Variants in ACTL8 observed in about 807,000 individuals in gnomAD.
ACTL8 encodes the protein actin like 8, also known as actin-like protein 8.
In ACTL8, 3 loss-of-function variants were observed where a neutral mutation model predicts 9.3. That is an observed-to-expected ratio of 0.32 (90% CI 0.15 to 0.83). The LOEUF is 0.83. ACTL8 is among the 40% of genes least tolerant of loss of function. The pLI, the probability that ACTL8 is intolerant of heterozygous loss-of-function variation, is 0.57. For synonymous variants in ACTL8, 224 were observed against 205.9 expected, an observed-to-expected ratio of 1.09 and a Z score of -0.75; for missense variants, 381 against 492.2, an observed-to-expected ratio of 0.77 and a Z score of 2.14.
At chr1:17,791,995 GCCC>G (rs72052257) in intron 1 of ACTL8, among the ~76,000 whole-genome samples, 5,999 of 152,158 alleles carry the variant, frequency 0.039, 402 homozygotes, top group African/African-American at 0.14. Flanking sequence ...TTGGGATCCT[GCCC>G]CCCCTCATCA....
rs1244341924 is a variant in ACTL8, at chr1:17,826,024, G to A, written c.606G>A (p.Glu202=). 3 of 1,606,608 alleles carry A rather than the reference G, an allele frequency of 1.9e-6. No homozygotes were observed. Among genetic ancestry groups the A allele is most frequent in the Non-Finnish European group, 2.5e-6 (3 of 1,179,996 alleles). The change falls in exon 3 of 3, where the codon GAG becomes GAA. Residue 202 remains glutamate (E), a synonymous_variant. Transcript: ENST00000375406. This position sits in a 1 kb window ranked among gnomAD's most constrained non-coding sequence, Gnocchi z 4.5. ...DCDRRCLFQL[E]TVAVTQMNKC... The stretch of plus-strand genomic sequence containing the variant: ...ATAGACGCTGCCTGTTTCAGCTGGA[G>A]ACAGTCGCCGTGACTCAGATGAACA...
intron 1 of ACTL8, among the ~76,000 whole-genome samples, chr1:17,780,694 T>G (rs999248125): frequency 1.7e-5 from 2 of 116,988 alleles, no homozygotes; most frequent in African/African-American, 6.1e-5. Flanking sequence ...TGGTTGACAG[T>G]GCAGTCCTGA....
At chr1:17,814,544 AC>A (rs2066412807) in intron 1 of ACTL8, among the ~76,000 whole-genome samples, 1 of 152,156 alleles carries the variant, frequency 6.6e-6, no homozygotes, top group Non-Finnish European at 1.5e-5. Flanking sequence ...TACCAACAAA[AC>A]AAGACAATAC....
intron 1 of ACTL8, among the ~76,000 whole-genome samples, chr1:17,807,352 G>A (rs2066366022): frequency 6.6e-6 from 1 of 152,192 alleles, no homozygotes; most frequent in African/African-American, 2.4e-5. Context: ...AGACCCTGGA[G>A]CCTGATACCC....
intron 1 of ACTL8, among the ~76,000 whole-genome samples, chr1:17,758,928 C>G (rs1215203081): frequency 3.3e-5 from 5 of 152,166 alleles, no homozygotes; most frequent in Admixed American, 6.5e-5. Flanking sequence ...CTTTAGGTGA[C>G]AGAATGTTCC....
At chr1:17,815,006 G>A (rs1305846523) in intron 1 of ACTL8, among the ~76,000 whole-genome samples, 1 of 151,618 alleles carries the variant, frequency 6.6e-6, no homozygotes, top group African/African-American at 2.4e-5. Flanking sequence ...ATAACATGCT[G>A]TACCCGTTTA....
intron 1 of ACTL8, among the ~76,000 whole-genome samples, chr1:17,770,842 G>A (rs1289510829): frequency 6.6e-6 from 1 of 152,188 alleles, no homozygotes; most frequent in African/African-American, 2.4e-5. Context: ...GCAGTTGTCA[G>A]TCCTGGGCTC....
chr1:17,777,542 TGATA>T (rs1054141829), intron 1 of ACTL8, among the ~76,000 whole-genome samples: 4 of 152,296 alleles, frequency 2.6e-5, no homozygotes, highest in Middle Eastern at 3.4e-3. Context: ...GTGCCAACTC[TGATA>T]GATTGGCCGT....
chr1:17,774,961 C>G (rs568675007), intron 1 of ACTL8, among the ~76,000 whole-genome samples: 14 of 152,278 alleles, frequency 9.2e-5, no homozygotes, highest in African/African-American at 3.4e-4. Context: ...TTACCTGATT[C>G]CTAGACAGGA....
rs568612157 is a variant in ACTL8 at position 17,758,084 on chromosome 1, GC to G, written c.-25+2584del. On this transcript the variant is annotated intron_variant, in intron 1 of 2. Transcript: ENST00000375406. Reference sequence around the variant, plus strand: ...CATAGAGAGATCCATTAGTGAGGGAGCCCCTTTGTCCTTGAAATGCACAGTG... The same window carrying G: ...CATAGAGAGATCCATTAGTGAGGGAGCCCTTTGTCCTTGAAATGCACAGTG... 7.9e-5 allele frequency among the ~76,000 whole-genome samples: 12 copies of G among 152,338 alleles called. No individual in the cohort carries two copies. The South Asian group carries it at 2.5e-3, about 32-fold the overall frequency.
At chr1:17,761,127 C>A (rs936010799) in intron 1 of ACTL8, among the ~76,000 whole-genome samples, 3 of 147,726 alleles carry the variant, frequency 2.0e-5, no homozygotes, top group African/African-American at 7.5e-5. Context: ...GGGGTCATTG[C>A]GGCTTAATTT....
intron 1 of ACTL8, among the ~76,000 whole-genome samples, chr1:17,778,694 A>G (rs75731660): frequency 0.025 from 3,804 of 152,224 alleles, 80 homozygotes; most frequent in African/African-American, 0.048. Context: ...TCTCCGTACA[A>G]GGAAGAGGAC....
At chr1:17,781,185 G>A (rs2066152212) in intron 1 of ACTL8, among the ~76,000 whole-genome samples, 1 of 150,892 alleles carries the variant, frequency 6.6e-6, no homozygotes, top group Admixed American at 6.6e-5. Context: ...CTTCCTCTCT[G>A]TGTGTCTGTG....
At chr1:17,782,530 T>C (rs368386050) in intron 1 of ACTL8, among the ~76,000 whole-genome samples, 19 of 152,244 alleles carry the variant, frequency 1.2e-4, no homozygotes, top group African/African-American at 4.1e-4. Flanking sequence ...TTCTGAACCT[T>C]CTTCTCTGTA....
chr1:17,788,354 A>G (rs927891337), intron 1 of ACTL8, among the ~76,000 whole-genome samples: 1 of 151,908 alleles, frequency 6.6e-6, no homozygotes, highest in African/African-American at 2.4e-5. Flanking sequence ...TTTCACATCC[A>G]CAGCTCTGGA....
At chr1:17,815,517 A>C (rs1232092417) in intron 1 of ACTL8, among the ~76,000 whole-genome samples, 2 of 152,000 alleles carry the variant, frequency 1.3e-5, no homozygotes, top group Non-Finnish European at 2.9e-5. Flanking sequence ...GGAAGTCTGC[A>C]GTCATTCAAA....
intron 1 of ACTL8, among the ~76,000 whole-genome samples, chr1:17,761,028 C>G (rs575753037): frequency 3.2e-4 from 49 of 151,954 alleles, no homozygotes; most frequent in Non-Finnish European, 5.4e-4. Flanking sequence ...CTATCCCTCT[C>G]TGGGCCCAGA....
chr1:17,823,118 C>T lies in ACTL8; in HGVS notation c.110C>T (p.Pro37Leu), dbSNP rs55738309. 6 of 1,614,094 alleles carry T rather than the reference C, an allele frequency of 3.7e-6. No homozygotes were observed. Among genetic ancestry groups the T allele is most frequent in the Non-Finnish European group, 4.2e-6 (5 of 1,180,050 alleles). ...MVFPNIVNYL[P>L]CKENPGPSYA... ...TTCCCGAACATCGTGAACTACCTACCGTGCAAGGAGAACCCTGGCCCCAGC... is the reference window on the plus strand; with the variant it reads ...TTCCCGAACATCGTGAACTACCTACTGTGCAAGGAGAACCCTGGCCCCAGC... The change falls in exon 2 of 3, where the codon CCG (proline) becomes CTG (leucine). Residue 37 changes from proline (P) to leucine (L), a missense_variant. Pro to Leu is a moderately conservative substitution (Grantham distance 98). Around this residue, in one of 3 missense-constraint regions of ACTL8, gnomAD observed 125 missense variants for 180.7 expected, o/e 0.69. Coordinates refer to ENST00000375406, the MANE Select transcript of ACTL8 (RefSeq NM_030812.3). The surrounding 1 kb of genome is among the most constrained non-coding windows in gnomAD (Gnocchi z 5.3).
In ACTL8 at chr1:17,825,880, G is replaced by A. The variant is rs1439436070; in HGVS notation, c.462G>A (p.Leu154=). 1 of 1,613,714 alleles carries A rather than the reference G, an allele frequency of 6.2e-7. No individual in the cohort carries two copies. The highest frequency in any genetic ancestry group is 1.3e-5 in the African/African-American group (1 of 74,950). Residue 154 remains leucine (L), a synonymous_variant, in exon 3 of 3, where the codon CTG becomes CTA. Coordinates refer to ENST00000375406, the MANE Select transcript of ACTL8 (RefSeq NM_030812.3). ...TGVVVDSGYG[L]TRVQPFHQGR... is the part of the protein sequence containing the mutation. Reference sequence around the variant, plus strand: ...TGGTGGTTGATTCTGGCTATGGCCTGACCCGCGTGCAGCCTTTCCACCAGG... The same window carrying A: ...TGGTGGTTGATTCTGGCTATGGCCTAACCCGCGTGCAGCCTTTCCACCAGG...
Sources: allele counts gnomAD v4.1 joint callset (sites outside exome capture counted in the v4.1 genomes callset), GRCh38; gene constraint gnomAD v4.1.1; regional missense constraint gnomAD v4.1.1; non-coding constraint Gnocchi (gnomAD v3.1); transcripts MANE v1.5; gene names NCBI Gene and HGNC (gene_info 2026-07-23, HGNC 2026-07-21).